Variants in ZC3H3 observed in about 807,000 individuals in gnomAD.
The protein encoded by ZC3H3 is zinc finger CCCH-type containing 3.
A neutral mutation model predicts 77.3 loss-of-function variants in ZC3H3; 36 were observed. The ratio of observed to expected loss-of-function variants is 0.47; its 90% confidence interval spans 0.36 to 0.61. The LOEUF (loss-of-function observed/expected upper bound fraction) is 0.61. Among genes scored for constraint, ZC3H3 ranks in the 20% least tolerant of loss-of-function variants. The probability of loss-of-function intolerance (pLI) is 0.00; values close to 1 mark genes in which losing one functional copy is unlikely to be tolerated. For synonymous variants in ZC3H3, 626 were observed against 555.2 expected, an observed-to-expected ratio of 1.13 and a Z score of -1.79; for missense variants, 1,331 against 1,312.2, an observed-to-expected ratio of 1.01 and a Z score of -0.22.
In ZC3H3 at chr8:143,491,174, C is replaced by T. The variant is rs571963316; in HGVS notation, c.1716-15589G>A. On this transcript the variant is annotated intron_variant, in intron 4 of 11. Coordinates refer to ENST00000262577, the MANE Select transcript of ZC3H3 (RefSeq NM_015117.3). The stretch of plus-strand genomic sequence containing the variant: ...AGGAGGGCCCAGGCACAGGGGGCTC[C>T]GCCCTCCCCGGCCTGAGGGGAATTC... 4.6e-5 allele frequency among the ~76,000 whole-genome samples: 7 copies of T among 152,294 alleles called. No individual in the cohort carries two copies. In the South Asian group the frequency reaches 6.2e-4, roughly 14 times the overall value.
At chr8:143,443,098 C>T (rs796462111) in intron 9 of ZC3H3, among the ~76,000 whole-genome samples, 46 of 152,030 alleles carry the variant, frequency 3.0e-4, no homozygotes, top group African/African-American at 1.1e-3. Flanking sequence ...CATGGTGAAA[C>T]GGTCTCTCCT....
intron 4 of ZC3H3, among the ~76,000 whole-genome samples, chr8:143,479,125 T>C (rs916379944): frequency 6.6e-6 from 1 of 152,178 alleles, no homozygotes; most frequent in African/African-American, 2.4e-5. Flanking sequence ...CCTGGGAAGA[T>C]GCTGTGGCAG....
chr8:143,486,378 T>C (rs1821053526), intron 4 of ZC3H3, among the ~76,000 whole-genome samples: 1 of 152,244 alleles, frequency 6.6e-6, no homozygotes, highest in Non-Finnish European at 1.5e-5. Flanking sequence ...GGCTGGTTTC[T>C]GGTGAGGTCT....
At position 143,507,811 on chromosome 8, in the gene ZC3H3, A is replaced by G. The variant is rs772103422; in HGVS notation, c.1650T>C (p.Pro550=). 2 of 1,606,874 alleles carry G rather than the reference A, an allele frequency of 1.2e-6. No individual in the cohort carries two copies. The highest frequency in any genetic ancestry group is 1.7e-6 in the Non-Finnish European group (2 of 1,177,906). Residue 550 remains proline (P), a synonymous_variant, in exon 4 of 12, where the codon CCT becomes CCC. Transcript: ENST00000262577. ...ACAGGGGGAAGGGCGGGGCGCTGAG[A>G]GGCGAGGCCGGCGTCTTCTTGACAA... The part of the protein sequence containing the change: ...YRIVKKTPAS[P]LSAPPFPLSL...
At chr8:143,502,836 C>T (rs1262749141) in intron 4 of ZC3H3, among the ~76,000 whole-genome samples, 1 of 152,238 alleles carries the variant, frequency 6.6e-6, no homozygotes, top group Non-Finnish European at 1.5e-5. Flanking sequence ...AAACCCTTCA[C>T]TGACCTTCTG....
chr8:143,478,006 T>C (rs568237498), intron 4 of ZC3H3, among the ~76,000 whole-genome samples: 1 of 152,138 alleles, frequency 6.6e-6, no homozygotes, highest in Admixed American at 6.5e-5. Flanking sequence ...ATGGTAAGTC[T>C]GCACTCTCGG....
At chr8:143,528,027 C>A (rs1310589741) in intron 3 of ZC3H3, among the ~76,000 whole-genome samples, 2 of 152,232 alleles carry the variant, frequency 1.3e-5, no homozygotes, top group African/African-American at 4.8e-5. Context: ...CATGGGGCTG[C>A]TCCCCAGTAC....
chr8:143,503,615 G>A (rs1328840455), intron 4 of ZC3H3, among the ~76,000 whole-genome samples: 2 of 113,042 alleles, frequency 1.8e-5, no homozygotes, highest in African/African-American at 7.2e-5. Flanking sequence ...GCACCCAGCC[G>A]GCTCCACCAC....
At chr8:143,501,857 C>T (rs896573241) in intron 4 of ZC3H3, among the ~76,000 whole-genome samples, 2 of 152,248 alleles carry the variant, frequency 1.3e-5, no homozygotes, top group Non-Finnish European at 2.9e-5. Context: ...CTTTGAGGCA[C>T]ATCAGAAGAT....
At chr8:143,463,020 G>A (rs994791626) in intron 9 of ZC3H3, among the ~76,000 whole-genome samples, 2 of 145,904 alleles carry the variant, frequency 1.4e-5, no homozygotes, top group African/African-American at 5.1e-5. Flanking sequence ...TCTCACTCTT[G>A]TCACGTAGGC....
chr8:143,524,162 C>T (rs1427769216), intron 3 of ZC3H3, among the ~76,000 whole-genome samples: 1 of 152,228 alleles, frequency 6.6e-6, no homozygotes. Flanking sequence ...CAGCCTGTTT[C>T]AGGATGGGCC....
rs919906956 is a variant in ZC3H3, at chr8:143,468,467, T to A, written c.2020A>T (p.Met674Leu). 1 of 1,609,782 alleles carries A rather than the reference T, an allele frequency of 6.2e-7. No individual in the cohort carries two copies. Among genetic ancestry groups the A allele is most frequent in the South Asian group, 1.1e-5 (1 of 90,380 alleles). Residue 674 changes from methionine to leucine, a missense_variant, in exon 7 of 12, where the codon ATG becomes TTG. This residue lies in a region of ZC3H3 where 104 missense variants were observed against 159.7 expected (regional missense o/e 0.65). Coordinates refer to ENST00000262577, the MANE Select transcript of ZC3H3 (RefSeq NM_015117.3). ...QRREKRKEYC[M>L]YYNRFGRCNR... is the part of the protein sequence containing the mutation. ...CACCTGCCGAAGCGGTTGTAGTACATGCAGTACTCCTTCCTCTTCTCCCTG... is the reference window on the plus strand; with the variant it reads ...CACCTGCCGAAGCGGTTGTAGTACAAGCAGTACTCCTTCCTCTTCTCCCTG...
intron 9 of ZC3H3, among the ~76,000 whole-genome samples, chr8:143,445,367 G>C (rs1231342008): frequency 2.9e-5 from 4 of 135,816 alleles, no homozygotes; most frequent in African/African-American, 1.1e-4. Flanking sequence ...GGCAACAACA[G>C]TGAAACTTTG....
At position 143,538,805 on chromosome 8, in the gene ZC3H3, G is replaced by A; in HGVS notation, c.562C>T (p.Pro188Ser). The change falls in exon 2 of 12, where the codon CCT becomes TCT. Residue 188 changes from proline (P) to serine (S), a missense_variant. By Grantham distance (74) the Pro-to-Ser change is moderately conservative. Around this residue, in one of 3 missense-constraint regions of ZC3H3, gnomAD observed 978 missense variants for 915.5 expected, o/e 1.07. Transcript: ENST00000262577. The stretch of plus-strand genomic sequence containing the variant: ...GGCTCCTTCTGGCAGACCAGAAGAG[G>A]ATCTTCCACACTGCAGGTCCCCCTG... ...RARGTCSVED[P>S]LLVCQKEPGK... 1.9e-6 allele frequency: 3 copies of A among 1,612,450 alleles called. No individual in the cohort carries two copies. Among genetic ancestry groups the A allele is most frequent in the Non-Finnish European group, 2.5e-6 (3 of 1,179,840 alleles).
intron 4 of ZC3H3, among the ~76,000 whole-genome samples, chr8:143,477,571 T>A (rs927842519): frequency 6.6e-5 from 10 of 152,176 alleles, no homozygotes; most frequent in Non-Finnish European, 7.4e-5. Flanking sequence ...TACCTTCAGC[T>A]TATCCTGGCA....
At chr8:143,529,110 G>T (rs965617725) in intron 3 of ZC3H3, among the ~76,000 whole-genome samples, 2 of 152,230 alleles carry the variant, frequency 1.3e-5, no homozygotes, top group Non-Finnish European at 2.9e-5. Flanking sequence ...ACCTAAGGGT[G>T]GGGGACGGGC....
rs1820474930 is a variant in ZC3H3, at chr8:143,468,497, G to T, written c.1990C>A (p.Gln664Lys). 1 of 1,608,044 alleles carries T rather than the reference G, an allele frequency of 6.2e-7. No individual in the cohort carries two copies. The highest frequency in any genetic ancestry group is 8.5e-7 in the Non-Finnish European group (1 of 1,178,024). The change falls in exon 7 of 12, where the codon CAG becomes AAG. Residue 664 changes from glutamine to lysine, a missense_variant. Gln to Lys is a moderately conservative substitution (Grantham distance 53, BLOSUM62 1). Transcript: ENST00000262577. Reference protein sequence around the residue: ...RSLAIIRQARQRREKRKEYCM... With the variant: ...RSLAIIRQARKRREKRKEYCM... ...TACTCCTTCCTCTTCTCCCTGCGCT[G>T]CCGCGCCTGCCGGATGATGGCCAGG...
chr8:143,509,242 A>G (rs1821801236), intron 3 of ZC3H3, among the ~76,000 whole-genome samples: 1 of 152,238 alleles, frequency 6.6e-6, no homozygotes, highest in Non-Finnish European at 1.5e-5. Flanking sequence ...AAGGTCTTAC[A>G]AACAAGGAGA....
chr8:143,538,845 C>T lies in ZC3H3; in HGVS notation c.522G>A (p.Ser174=), dbSNP rs10081449. 8.6e-3 allele frequency: 13,876 copies of T among 1,612,174 alleles called. 850 individuals carry two copies. The African/African-American group carries it at 0.15, about 17-fold the overall frequency. Residue 174 remains serine, a synonymous_variant, in exon 2 of 12, where the codon TCG becomes TCA. Coordinates refer to ENST00000262577, the MANE Select transcript of ZC3H3 (RefSeq NM_015117.3). ...GEPPRGQLQP[S]RPTRARGTCS... ...AGGTCCCCCTGGCTCTTGTTGGCCTCGAGGGCTGCAGCTGTCCCCGAGGGG... is the reference window on the plus strand; with the variant it reads ...AGGTCCCCCTGGCTCTTGTTGGCCTTGAGGGCTGCAGCTGTCCCCGAGGGG...
Sources: allele counts gnomAD v4.1 joint callset (sites outside exome capture counted in the v4.1 genomes callset), GRCh38; gene constraint gnomAD v4.1.1; regional missense constraint gnomAD v4.1.1; transcripts MANE v1.5; gene names NCBI Gene and HGNC (gene_info 2026-07-23, HGNC 2026-07-21).